Variants in TBCK observed in about 807,000 individuals in gnomAD.
The protein encoded by TBCK is TBC1 domain containing kinase.
In TBCK, 99 loss-of-function variants were observed where a neutral mutation model predicts 113.4. The observed-to-expected ratio is 0.87, with a 90% CI of 0.74 to 1.03. The LOEUF is 1.03. Ranked by LOEUF, TBCK falls within the 50% of genes least tolerant of loss-of-function variation. The pLI, the probability that TBCK is intolerant of heterozygous loss-of-function variation, is 0.00. For synonymous variants in TBCK, 369 were observed against 370.8 expected (o/e 1.00, Z 0.05); for missense variants, 1,045 against 1,061.3 (o/e 0.98, Z 0.21).
At chr4:106,172,495 A>G (rs944713705) in intron 22 of TBCK, among the ~76,000 whole-genome samples, 9 of 152,166 alleles carry the variant, frequency 5.9e-5, no homozygotes, top group African/African-American at 2.2e-4. Context: ...TTATCTTTCC[A>G]TATTTCTAAA....
At chr4:106,085,986 C>A (rs1304219157) in intron 25 of TBCK, among the ~76,000 whole-genome samples, 1 of 152,014 alleles carries the variant, frequency 6.6e-6, no homozygotes, top group African/African-American at 2.4e-5. Context: ...ATGTCCACAT[C>A]AGAAAGCTAA....
upstream of TBCK, chr4:106,316,563 G>T: frequency 6.4e-7 from 1 of 1,551,570 alleles, no homozygotes; most frequent in Non-Finnish European, 8.7e-7. Context: ...TCCTGCTGTG[G>T]CTGTCTCGGA....
In TBCK at chr4:106,045,597, A is replaced by G. The variant is rs1411815171; in HGVS notation, c.*973T>C. 1.3e-5 allele frequency: 2 copies of G among 152,192 alleles called. No individual in the cohort carries two copies. Among genetic ancestry groups the G allele is most frequent in the African/African-American group, 4.8e-5 (2 of 41,448 alleles). The allele number at this position is 152,192 out of a possible 1,614,324, so 9.4% of individuals were successfully genotyped here. A position where few individuals can be genotyped will look rare whatever the true frequency, so the allele number is the denominator to read the frequency against. On this transcript the variant is annotated 3_prime_UTR_variant, in exon 26 of 26. Transcript: ENST00000394708. ...AAGTTCTGGCCAATGATATGTAAGC[A>G]GAGGTAGTGTGCGCAACTTCTGGTT... is the stretch of plus-strand genomic sequence containing the variant.
intron 9 of TBCK, 134 bp from the exon 10 acceptor site, chr4:106,247,421 C>A: frequency 1.3e-6 from 1 of 784,176 alleles, no homozygotes; most frequent in East Asian, 2.7e-5. Context: ...CTCTCTTTTG[C>A]AGAGTCTAGA....
intron 2 of TBCK, among the ~76,000 whole-genome samples, chr4:106,299,207 A>C (rs1766654409): frequency 6.6e-6 from 1 of 152,202 alleles, no homozygotes; most frequent in Admixed American, 6.5e-5. Flanking sequence ...TAGATGAATT[A>C]ACTTTAGCAA....
At chr4:106,195,830 T>C (rs1315597857) in intron 20 of TBCK, among the ~76,000 whole-genome samples, 1 of 152,024 alleles carries the variant, frequency 6.6e-6, no homozygotes, top group Non-Finnish European at 1.5e-5. Context: ...AACAGCATAT[T>C]GTGGGATATC....
At chr4:106,120,710 A>G (rs1243421403) in intron 23 of TBCK, among the ~76,000 whole-genome samples, 1 of 152,174 alleles carries the variant, frequency 6.6e-6, no homozygotes, top group Non-Finnish European at 1.5e-5. Flanking sequence ...GGGCACACTG[A>G]CACCTCACAC....
At chr4:106,097,139 GA>G (rs1560639028) in intron 24 of TBCK, among the ~76,000 whole-genome samples, 1 of 152,056 alleles carries the variant, frequency 6.6e-6, no homozygotes, top group Non-Finnish European at 1.5e-5. Context: ...TTATCCTTGT[GA>G]TTTATTATTT....
intron 3 of TBCK, among the ~76,000 whole-genome samples, chr4:106,290,125 A>G (rs912092008): frequency 1.3e-5 from 2 of 152,202 alleles, no homozygotes; most frequent in African/African-American, 4.8e-5. Context: ...ATTGCTTTTT[A>G]GCAGCAGGAG....
intron 20 of TBCK, among the ~76,000 whole-genome samples, chr4:106,206,237 G>A (rs1227174929): frequency 2.0e-5 from 2 of 100,658 alleles, no homozygotes; most frequent in Non-Finnish European, 4.3e-5. Context: ...AAACAGATGT[G>A]GGGGTAATGC....
intron 24 of TBCK, among the ~76,000 whole-genome samples, chr4:106,108,448 T>C (rs1742439766): frequency 1.3e-5 from 2 of 152,176 alleles, no homozygotes; most frequent in African/African-American, 4.8e-5. Context: ...CAAGATTGGC[T>C]CAACATGCAA....
At chr4:106,272,305 T>C (rs1037187257) in intron 3 of TBCK, among the ~76,000 whole-genome samples, 1 of 152,086 alleles carries the variant, frequency 6.6e-6, no homozygotes, top group Admixed American at 6.6e-5. Context: ...TACTCAAATA[T>C]TGGTTTCTTT....
chr4:106,089,433 T>C (rs1266727857), intron 25 of TBCK, among the ~76,000 whole-genome samples: 1 of 152,122 alleles, frequency 6.6e-6, no homozygotes, highest in Non-Finnish European at 1.5e-5. Flanking sequence ...CCAAACCACA[T>C]CATTCTGCCT....
chr4:106,082,714 T>C (rs146963410), intron 25 of TBCK, among the ~76,000 whole-genome samples: 2 of 152,282 alleles, frequency 1.3e-5, no homozygotes, highest in African/African-American at 4.8e-5. Flanking sequence ...GAGGCTCGCA[T>C]AGGAAAGAAA....
At chr4:106,251,233 T>C (rs1271382601) in intron 6 of TBCK, 1 of 233,342 alleles carries the variant, frequency 4.3e-6, no homozygotes, top group Admixed American at 4.6e-5. Flanking sequence ...ATACCACAGG[T>C]TATGGTGAGG....
intron 2 of TBCK, among the ~76,000 whole-genome samples, chr4:106,300,929 C>G (rs6831665): frequency 6.6e-6 from 1 of 151,814 alleles, no homozygotes; most frequent in African/African-American, 2.4e-5. Flanking sequence ...AGTGAGACTC[C>G]TGTCTCTGAA....
At chr4:106,071,943 T>A (rs1292946203) in intron 25 of TBCK, among the ~76,000 whole-genome samples, 1 of 152,210 alleles carries the variant, frequency 6.6e-6, no homozygotes, top group African/African-American at 2.4e-5. Context: ...TGCTTTCCAT[T>A]TGCTTGGTAG....
intron 23 of TBCK, among the ~76,000 whole-genome samples, chr4:106,167,129 T>C (rs557681383): frequency 2.1e-5 from 3 of 144,140 alleles, no homozygotes; most frequent in African/African-American, 7.7e-5. Flanking sequence ...TATATATATA[T>C]ATAGAGAGAG....
In TBCK at chr4:106,060,224, A is replaced by G. The variant is rs1425331061; in HGVS notation, c.2572-13544T>C. On this transcript the variant is annotated intron_variant, in intron 25 of 25. Transcript: ENST00000394708. ...CTAAACAGATTTTCAATGCAAATGA[A>G]GCAGCCTTTGATTGGAAGAAGATGC... 4.6e-5 allele frequency among the ~76,000 whole-genome samples: 7 copies of G among 151,828 alleles called. 1 individual carries two copies. Among genetic ancestry groups the G allele is most frequent in the Admixed American group, 4.6e-4 (7 of 15,210 alleles).
Sources: allele counts gnomAD v4.1 joint callset (sites outside exome capture counted in the v4.1 genomes callset), GRCh38; gene constraint gnomAD v4.1.1; transcripts MANE v1.5; gene names NCBI Gene and HGNC (gene_info 2026-07-23, HGNC 2026-07-21).